ZNF320: variants seen among roughly 807,000 people sequenced by gnomAD.
The protein encoded by ZNF320 is zinc finger gene 320.
Under a neutral mutation model 6.8 loss-of-function variants are expected in ZNF320, and 2 were observed. The observed-to-expected ratio is 0.29, with a 90% CI of 0.12 to 0.93. The LOEUF (loss-of-function observed/expected upper bound fraction) is 0.93, where lower values mean the gene tolerates loss of function less well. Ranked by LOEUF, ZNF320 falls within the 40% of genes least tolerant of loss-of-function variation. The pLI is 0.55. For synonymous variants in ZNF320, 208 were observed against 203.2 expected (o/e 1.02, Z -0.20); for missense variants, 472 against 611.0 (o/e 0.77, Z 2.40).
At chr19:52,894,051 T>C (rs1004378595) in intron 1 of ZNF320, 195 bp from the exon 2 acceptor site, 7 of 152,092 alleles carry the variant, frequency 4.6e-5, no homozygotes, top group African/African-American at 1.7e-4. Context: ...AAAAACTCAA[T>C]ACATGGGTTC....
rs1227446489 is a variant in ZNF320, at chr19:52,867,474, G to A, written c.224-3315C>T. On this transcript the variant is annotated intron_variant, in intron 5 of 5. Coordinates refer to the ZNF320 transcript ENST00000673631. ...GCCTCCCAAAGTGCTGGGATTACAG[G>A]CATGAGCCACCGTGCCCAGCCCATA... Among the ~76,000 whole-genome samples, 3 of 152,102 alleles carry A rather than the reference G, an allele frequency of 2.0e-5. No individual in the cohort carries two copies. The East Asian group carries it at 5.8e-4, about 29-fold the overall frequency.
At position 52,881,382 on chromosome 19, in the gene ZNF320, A is replaced by G; in HGVS notation, c.744T>C (p.Asn248=). The change falls in exon 6 of 6, where the codon AAT becomes AAC. Residue 248 remains asparagine, a synonymous_variant. Coordinates refer to ENST00000682928, the MANE Select transcript of ZNF320 (RefSeq NM_001351774.2). ...SHTGEKPYKC[N]ECGKTFSQTS... is the part of the protein sequence containing the mutation. ...TCTGACTAAAGGTCTTGCCACACTC[A>G]TTACACTTATAAGGTTTCTCTCCAG... 1.9e-6 allele frequency: 3 copies of G among 1,613,328 alleles called. No individual in the cohort carries two copies. The highest frequency in any genetic ancestry group is 1.1e-5 in the South Asian group (1 of 91,040).
At chr19:52,874,677 G>A (rs1233589719), downstream of ZNF320, among the ~76,000 whole-genome samples, 3 of 152,160 alleles carry the variant, frequency 2.0e-5, no homozygotes, top group Admixed American at 6.5e-5. Context: ...CAGCGAAGGA[G>A]CAAAAAGAAT....
At chr19:52,869,480 G>A (rs1269944898) in intron 5 of ZNF320, among the ~76,000 whole-genome samples, 2 of 152,152 alleles carry the variant, frequency 1.3e-5, no homozygotes, top group Non-Finnish European at 2.9e-5. Flanking sequence ...TGTGAAAACA[G>A]AGACAGACTG....
chr19:52,873,712 A>G (rs2063719431), downstream of ZNF320, among the ~76,000 whole-genome samples: 2 of 152,164 alleles, frequency 1.3e-5, no homozygotes, highest in Admixed American at 6.5e-5. Context: ...CCTGCTGCCC[A>G]ACATCACTGA....
At chr19:52,889,055 G>A (rs531081680) in intron 4 of ZNF320, among the ~76,000 whole-genome samples, 1 of 151,910 alleles carries the variant, frequency 6.6e-6, no homozygotes, top group Non-Finnish European at 1.5e-5. Flanking sequence ...GTGGTGGCAC[G>A]CACATGGAGT....
Position 52,881,963 on chromosome 19 carries a change from T to C in ZNF320, c.163A>G (p.Met55Val). ...VSLDISSKCMMNTLSSTGQGN... is the reference protein window; with the variant it reads ...VSLDISSKCMVNTLSSTGQGN... ...TGCCCTGTTGATGACAATGTATTCA[T>C]CATGCATTTGGAAGAGATATCTACA... The change falls in exon 6 of 6, where the codon ATG (methionine) becomes GTG (valine). Residue 55 changes from methionine (M) to valine (V), a missense_variant. Coordinates refer to ENST00000682928, the MANE Select transcript of ZNF320 (RefSeq NM_001351774.2). 1 of 1,607,052 alleles carries C rather than the reference T, an allele frequency of 6.2e-7. No homozygotes were observed. Among genetic ancestry groups the C allele is most frequent in the South Asian group, 1.1e-5 (1 of 89,864 alleles).
chr19:52,890,423 A>C (rs752456836), intron 3 of ZNF320, 95 bp from the exon 4 acceptor site: 260 of 1,040,796 alleles, frequency 2.5e-4, no homozygotes, highest in Non-Finnish European at 3.3e-4. Flanking sequence ...ACCCTGGGAA[A>C]TATGGTCCCC....
rs187853286 is a variant in ZNF320 at position 52,882,095 on chromosome 19, T to C, written c.143-112A>G. 4.4e-6 allele frequency: 5 copies of C among 1,124,608 alleles called. No individual in the cohort carries two copies. The Admixed American group carries it at 1.1e-4, about 24-fold the overall frequency. 69.7% of individuals were successfully genotyped at this position (1,124,608 alleles called of 1,614,324 possible). A position where few individuals can be genotyped will look rare whatever the true frequency, so the allele number is the denominator to read the frequency against. On this transcript the variant is annotated intron_variant, in intron 5 of 5. Coordinates refer to ENST00000682928, the MANE Select transcript of ZNF320 (RefSeq NM_001351774.2). Reference sequence around the variant, plus strand: ...ATACTTATTTTAAACTTCCCAAACATGAGCTTCAAAGTTTAGGAACACAAA... The same window carrying C: ...ATACTTATTTTAAACTTCCCAAACACGAGCTTCAAAGTTTAGGAACACAAA...
At position 52,881,739 on chromosome 19, in the gene ZNF320, C is replaced by T. The variant is rs776479114; in HGVS notation, c.387G>A (p.Arg129=). ...CTTTAATAGGCTTGTTTCCAGCATG[C>T]CTTTGATCATATCGGTCTGTACTAC... ...LTSSTDRYDQ[R]HAGNKPIKGQ... is the part of the protein sequence containing the mutation. Residue 129 remains arginine (R), a synonymous_variant, in exon 6 of 6, where the codon AGG becomes AGA. Coordinates refer to ENST00000682928, the MANE Select transcript of ZNF320 (RefSeq NM_001351774.2). 3.2e-5 allele frequency: 52 copies of T among 1,613,844 alleles called. No individual in the cohort carries two copies. In the Middle Eastern group the frequency reaches 4.9e-4, roughly 15 times the overall value.
At chr19:52,892,534 T>G (rs1271157506) in intron 2 of ZNF320, among the ~76,000 whole-genome samples, 1 of 152,144 alleles carries the variant, frequency 6.6e-6, no homozygotes, top group African/African-American at 2.4e-5. Context: ...GTGGATCACC[T>G]GAGGTCAGGA....
rs116460003 is a variant in ZNF320 at position 52,866,442 on chromosome 19, G to A, written c.224-2283C>T. Among the ~76,000 whole-genome samples the A allele has an allele frequency of 8.2e-3, 1,251 of 151,840 alleles. 19 individuals are homozygous for A. Among genetic ancestry groups the A allele is most frequent in the African/African-American group, 0.027 (1,111 of 41,416 alleles). On this transcript the variant is annotated intron_variant, in intron 5 of 5. Transcript: ENST00000673631. ...CAGCCAGGGTGGCATTCTTGGTAAC[G>A]GTGAAAAACTGGGAAGGACTCACAC...
rs1013789005 is a variant in ZNF320 at position 52,866,045 on chromosome 19, T to C, written c.224-1886A>G. Among the ~76,000 whole-genome samples the C allele has an allele frequency of 5.0e-5, 6 of 118,940 alleles. 1 individual carries two copies. Among genetic ancestry groups the C allele is most frequent in the African/African-American group, 1.9e-4 (6 of 31,750 alleles). The allele number at this position is 118,940 out of a possible 152,430, so 78.0% of individuals were successfully genotyped here. ...ACATATTTATATATATGATTATACA[T>C]ATATATGATTATACATATATTTATA... On this transcript the variant is annotated intron_variant, in intron 5 of 5. Coordinates refer to the ZNF320 transcript ENST00000673631.
chr19:52,896,633 T>C (rs962902024), intron 1 of ZNF320, among the ~76,000 whole-genome samples: 6 of 152,138 alleles, frequency 3.9e-5, no homozygotes, highest in African/African-American at 1.4e-4. Context: ...CGCTTGAGCA[T>C]AGGATGTTGA....
At chr19:52,892,943 C>T (rs560160231) in intron 2 of ZNF320, among the ~76,000 whole-genome samples, 1 of 151,904 alleles carries the variant, frequency 6.6e-6, no homozygotes, top group East Asian at 1.9e-4. Flanking sequence ...TCCTTCATCT[C>T]TCTGTACATC....
upstream of ZNF320, among the ~76,000 whole-genome samples, chr19:52,899,519 G>A (rs2064561241): frequency 6.6e-6 from 1 of 152,136 alleles, no homozygotes. Flanking sequence ...CTGGAGTGCA[G>A]TGGTGCAGTC....
exon 6 of ZNF320, among the ~76,000 whole-genome samples, chr19:52,861,382 C>A (rs1694901860): frequency 6.6e-6 from 1 of 152,036 alleles, no homozygotes; most frequent in South Asian, 2.1e-4. Flanking sequence ...GAGATAGAAC[C>A]CATATTGATG....
upstream of ZNF320, among the ~76,000 whole-genome samples, chr19:52,897,854 G>C: frequency 6.6e-6 from 1 of 152,154 alleles, no homozygotes; most frequent in East Asian, 1.9e-4. Flanking sequence ...AAGAGTCCTG[G>C]GCTATGAGGG....
chr19:52,889,030 A>G (rs2064199615), intron 4 of ZNF320, among the ~76,000 whole-genome samples: 1 of 152,048 alleles, frequency 6.6e-6, no homozygotes, highest in South Asian at 2.1e-4. Flanking sequence ...CTAAAAATAC[A>G]AAAATTAGCT....
Sources: gnomAD v4.1 joint callset for allele counts (sites outside exome capture counted in the v4.1 genomes callset) on GRCh38, gnomAD v4.1.1 for gene constraint, MANE v1.5 for transcripts, NCBI Gene and HGNC (gene_info 2026-07-23, HGNC 2026-07-21) for gene names.